The following DNAJC3 variants were observed in gnomAD, a reference collection of about 807,000 sequenced individuals.
DNAJC3 encodes dnaJ homolog subfamily C member 3.
A neutral mutation model predicts 68.6 loss-of-function variants in DNAJC3; 38 were observed. That is an observed-to-expected ratio of 0.55 (90% CI 0.43 to 0.73). The LOEUF is 0.73. Among genes scored for constraint, DNAJC3 ranks in the 30% least tolerant of loss-of-function variants. The pLI is 0.00. For missense variants in DNAJC3, 526 were observed against 591.9 expected (o/e 0.89, Z 1.16); for synonymous variants, 203 against 204.0 (o/e 1.00, Z 0.04).
intron 1 of DNAJC3, chr13:95,695,813 TGCTTCACCATCAATACC>T (rs1467493627): frequency 6.6e-6 from 1 of 152,190 alleles, no homozygotes; most frequent in South Asian, 2.1e-4. Flanking sequence ...CCGTCAACAC[TGCTTCACCATCAATACC>T]GCTTCACCAT....
intron 4 of DNAJC3, among the ~76,000 whole-genome samples, chr13:95,750,624 C>T (rs1882446600): frequency 6.6e-6 from 1 of 151,898 alleles, no homozygotes; most frequent in African/African-American, 2.4e-5. Context: ...ATTCTCATGC[C>T]TCAGCCTCCT....
chr13:95,783,949 G>T (rs1883523058), intron 9 of DNAJC3, among the ~76,000 whole-genome samples: 1 of 152,148 alleles, frequency 6.6e-6, no homozygotes, highest in African/African-American at 2.4e-5. Context: ...GGAAGAGGAG[G>T]GAGGGGCCAG....
At chr13:95,721,860 A>T (rs1246389262) in intron 2 of DNAJC3, among the ~76,000 whole-genome samples, 3 of 151,844 alleles carry the variant, frequency 2.0e-5, no homozygotes, top group Admixed American at 1.3e-4. Context: ...GCCATTAACA[A>T]CTGTTCACAA....
At chr13:95,728,102 G>A (rs1299471720) in intron 4 of DNAJC3, among the ~76,000 whole-genome samples, 3 of 152,122 alleles carry the variant, frequency 2.0e-5, no homozygotes, top group Non-Finnish European at 4.4e-5. Context: ...GTTCCTTTTA[G>A]ATGCTGATGG....
At chr13:95,717,769 G>A (rs1229113608) in intron 2 of DNAJC3, among the ~76,000 whole-genome samples, 1 of 152,016 alleles carries the variant, frequency 6.6e-6, no homozygotes, top group African/African-American at 2.4e-5. Context: ...TGTGCCTTTC[G>A]CCTTCGGCCA....
At chr13:95,683,480 CCT>C (rs1566464309) in intron 1 of DNAJC3, among the ~76,000 whole-genome samples, 1 of 152,212 alleles carries the variant, frequency 6.6e-6, no homozygotes, top group African/African-American at 2.4e-5. Flanking sequence ...GTATCTCCCC[CCT>C]CTCTGTCTTC....
chr13:95,764,671 TATATATATATATACAC>T (rs1220553817), intron 9 of DNAJC3, among the ~76,000 whole-genome samples: 106 of 122,562 alleles, frequency 8.6e-4, no homozygotes, highest in African/African-American at 3.5e-3. Flanking sequence ...TATATATATA[TATATATATATATACAC>T]ACACACACAT....
chr13:95,728,378 T>C (rs1159121455), intron 4 of DNAJC3, among the ~76,000 whole-genome samples: 1 of 152,256 alleles, frequency 6.6e-6, no homozygotes, highest in Non-Finnish European at 1.5e-5. Context: ...TTCTCATAGA[T>C]GTGTTACTAT....
intron 4 of DNAJC3, among the ~76,000 whole-genome samples, chr13:95,729,372 A>G (rs903255844): frequency 9.6e-6 from 1 of 104,380 alleles, no homozygotes; most frequent in Non-Finnish European, 1.9e-5. Flanking sequence ...CCCTCTGCCT[A>G]TCCTTCTCCC....
intron 4 of DNAJC3, among the ~76,000 whole-genome samples, chr13:95,756,717 A>T (rs1882675504): frequency 6.6e-6 from 1 of 152,186 alleles, no homozygotes; most frequent in African/African-American, 2.4e-5. Flanking sequence ...TCTTAGTAAG[A>T]ATATTAAGAT....
intron 4 of DNAJC3, among the ~76,000 whole-genome samples, chr13:95,741,718 T>TG (rs1882150757): frequency 6.6e-6 from 1 of 151,960 alleles, no homozygotes; most frequent in Non-Finnish European, 1.5e-5. Context: ...CTGTGTTGAG[T>TG]GGGGCAGTCC....
At chr13:95,764,667 T>C (rs1428034084) in intron 9 of DNAJC3, among the ~76,000 whole-genome samples, 3 of 123,898 alleles carry the variant, frequency 2.4e-5, no homozygotes, top group African/African-American at 9.8e-5. Context: ...TATATATATA[T>C]ATATATATAT....
At chr13:95,738,634 A>T (rs919871342) in intron 4 of DNAJC3, among the ~76,000 whole-genome samples, 5 of 152,016 alleles carry the variant, frequency 3.3e-5, no homozygotes, top group East Asian at 1.9e-4. Context: ...TATCAGAGAC[A>T]AGGATTGCAA....
chr13:95,790,561 T>A (rs1278499021), intron 11 of DNAJC3, among the ~76,000 whole-genome samples: 4 of 152,180 alleles, frequency 2.6e-5, no homozygotes, highest in Admixed American at 2.6e-4. Flanking sequence ...TTGAATTATT[T>A]TTTTCCAAAT....
In DNAJC3 at chr13:95,791,292, GCAGGCTCACCCGTGGAAGTGCT is replaced by G; in HGVS notation, c.*265_*286del. The G allele has an allele frequency of 2.1e-6, 1 of 467,762 alleles. No individual in the cohort carries two copies. Among genetic ancestry groups the G allele is most frequent in the East Asian group, 4.5e-5 (1 of 22,120 alleles). 29.0% of individuals were successfully genotyped at this position (467,762 alleles called of 1,614,324 possible). On this transcript the variant is annotated 3_prime_UTR_variant, in exon 12 of 12. Coordinates refer to ENST00000602402, the MANE Select transcript of DNAJC3 (RefSeq NM_006260.5). The stretch of plus-strand genomic sequence containing the variant: ...GCTGTCTGGAGGGAAGTGGTCTGAG[GCAGGCTCACCCGTGGAAGTGCT>G]CACGTATTCTGTATTATTTTTCTAC...
chr13:95,696,135 A>G (rs1880433888), intron 1 of DNAJC3, among the ~76,000 whole-genome samples: 1 of 152,204 alleles, frequency 6.6e-6, no homozygotes, highest in Non-Finnish European at 1.5e-5. Context: ...ACGAAACTCG[A>G]TCCACATGAA....
intron 1 of DNAJC3, among the ~76,000 whole-genome samples, chr13:95,708,123 C>T (rs1228387041): frequency 6.6e-6 from 1 of 152,140 alleles, no homozygotes; most frequent in Admixed American, 6.5e-5. Context: ...CATGACAGAC[C>T]ATGCAGCAGG....
chr13:95,764,347 T>TTATC (rs1344071887), intron 9 of DNAJC3, among the ~76,000 whole-genome samples: 1 of 130,026 alleles, frequency 7.7e-6, no homozygotes, highest in Non-Finnish European at 1.6e-5. Context: ...CATATACATA[T>TTATC]TCTCTCTCTC....
At chr13:95,786,221 GCTA>G in intron 10 of DNAJC3, 150 bp downstream of exon 10, 4 of 889,790 alleles carry the variant, frequency 4.5e-6, no homozygotes, top group African/African-American at 1.7e-5. Context: ...ACATTAGAAA[GCTA>G]CTTTGAGTAT....
Sources: gnomAD v4.1 joint callset for allele counts (sites outside exome capture counted in the v4.1 genomes callset) on GRCh38, gnomAD v4.1.1 for gene constraint, MANE v1.5 for transcripts, NCBI Gene and HGNC (gene_info 2026-07-23, HGNC 2026-07-21) for gene names.